The following SAMD12 variants were observed in gnomAD, a reference collection of about 807,000 sequenced individuals.
The protein encoded by SAMD12 is sterile alpha motif domain containing 12.
A neutral mutation model predicts 15.0 loss-of-function variants in SAMD12; 9 were observed. The ratio of observed to expected loss-of-function variants is 0.60; its 90% CI spans 0.36 to 1.05. SAMD12 has a LOEUF of 1.05. Ranked by LOEUF, SAMD12 falls within the 50% of genes least tolerant of loss-of-function variation. The pLI, the probability that SAMD12 is intolerant of heterozygous loss-of-function variation, is 0.01. For synonymous variants in SAMD12, 86 were observed against 90.1 expected (o/e 0.96, Z 0.25); for missense variants, 230 against 234.2 (o/e 0.98, Z 0.12).
the SAMD12 span, among the ~76,000 whole-genome samples, chr8:118,142,829 T>TATTA: frequency 9.9e-5 from 15 of 152,184 alleles, no homozygotes; most frequent in Non-Finnish European, 1.5e-4. Flanking sequence ...TACTATCCTG[T>TATTA]GTCATAGAGC....
rs180931556 is a variant in SAMD12 at position 118,400,679 on chromosome 8, A to G, written c.323-20979T>C. The G allele has an allele frequency of 7.9e-5, 12 of 152,334 alleles. 1 individual carries two copies. The highest frequency in any genetic ancestry group is 2.6e-4 in the African/African-American group (11 of 41,590). 9.4% of individuals were successfully genotyped at this position (152,334 alleles called of 1,614,324 possible). On this transcript the variant is annotated intron_variant, in intron 3 of 3. Coordinates refer to ENST00000314727, the MANE Select transcript of SAMD12 (RefSeq NM_207506.3). ...TTACAACTGAAATGTTTTCCTTTGC[A>G]TGCAGAGTAATGGAGCATAGCAGGA...
chr8:118,476,650 AAGG>A (rs1235359837), intron 2 of SAMD12, among the ~76,000 whole-genome samples: 1 of 152,220 alleles, frequency 6.6e-6, no homozygotes, highest in African/African-American at 2.4e-5. Flanking sequence ...GAGGAGACTA[AAGG>A]TGGCTGTATT....
chr8:118,235,436 C>G (rs1024569642), intron 4 of SAMD12, among the ~76,000 whole-genome samples: 1 of 152,136 alleles, frequency 6.6e-6, no homozygotes, highest in African/African-American at 2.4e-5. Flanking sequence ...GTCTCGATCT[C>G]TTGACCTTGT....
intron 2 of SAMD12, among the ~76,000 whole-genome samples, chr8:118,505,325 T>C (rs961721262): frequency 1.3e-5 from 2 of 150,364 alleles, no homozygotes; most frequent in Non-Finnish European, 3.0e-5. Context: ...TATTGTCTCC[T>C]TTCTTATGGG....
At chr8:118,287,127 T>TCG (rs1563734534) in intron 4 of SAMD12, among the ~76,000 whole-genome samples, 4 of 114,102 alleles carry the variant, frequency 3.5e-5, no homozygotes. Context: ...AGAATATTTT[T>TCG]TTTTTTTTTT....
At chr8:118,457,111 A>G (rs1290241205) in intron 2 of SAMD12, among the ~76,000 whole-genome samples, 1 of 152,218 alleles carries the variant, frequency 6.6e-6, no homozygotes, top group Non-Finnish European at 1.5e-5. Context: ...GATACTACTG[A>G]CAATTAATGA....
At chr8:118,547,280 C>T (rs78365116) in intron 2 of SAMD12, among the ~76,000 whole-genome samples, 5,886 of 152,244 alleles carry the variant, frequency 0.039, 147 homozygotes, top group Non-Finnish European at 0.056. Context: ...TTTCCTGTTC[C>T]CTGCACCTGA....
intron 4 of SAMD12, among the ~76,000 whole-genome samples, chr8:118,352,617 A>G (rs1263317337): frequency 6.6e-6 from 1 of 152,190 alleles, no homozygotes; most frequent in African/African-American, 2.4e-5. Context: ...AATGGGGAAA[A>G]GTGGTTGGTG....
intron 2 of SAMD12, among the ~76,000 whole-genome samples, chr8:118,551,808 G>A (rs868602258): frequency 1.3e-5 from 2 of 151,836 alleles, no homozygotes; most frequent in East Asian, 1.9e-4. Context: ...AAAGAGAGAA[G>A]AATCAAACAG....
intron 4 of SAMD12, among the ~76,000 whole-genome samples, chr8:118,199,491 G>A (rs1819652767): frequency 6.6e-6 from 1 of 152,066 alleles, no homozygotes; most frequent in Non-Finnish European, 1.5e-5. Flanking sequence ...GAAAATGTGT[G>A]ACCTTGGAAA....
intron 4 of SAMD12, among the ~76,000 whole-genome samples, chr8:118,208,358 C>T (rs1586344062): frequency 6.6e-6 from 1 of 152,228 alleles, no homozygotes; most frequent in African/African-American, 2.4e-5. Flanking sequence ...TAGAAGGTAT[C>T]TTTAAACAGT....
chr8:118,535,473 G>C (rs1435157675), intron 2 of SAMD12, among the ~76,000 whole-genome samples: 1 of 152,214 alleles, frequency 6.6e-6, no homozygotes, highest in Non-Finnish European at 1.5e-5. Context: ...TCTCTTCAAA[G>C]GTGTCAGACA....
intron 4 of SAMD12, among the ~76,000 whole-genome samples, chr8:118,293,599 T>C (rs1348440926): frequency 6.6e-6 from 1 of 152,230 alleles, no homozygotes; most frequent in South Asian, 2.1e-4. Context: ...ATAGCCAGTT[T>C]GCCTTTATTT....
intron 4 of SAMD12, among the ~76,000 whole-genome samples, chr8:118,285,891 G>A (rs1181857095): frequency 6.6e-6 from 1 of 152,138 alleles, no homozygotes; most frequent in Non-Finnish European, 1.5e-5. Flanking sequence ...GAGTTGGCTG[G>A]CTATCTAAGT....
chr8:118,531,787 G>C (rs1025229075), intron 2 of SAMD12, among the ~76,000 whole-genome samples: 4 of 152,284 alleles, frequency 2.6e-5, no homozygotes, highest in Non-Finnish European at 5.9e-5. Flanking sequence ...TGTATCCTGA[G>C]ACTTTGCTGA....
chr8:118,440,086 G>T, intron 2 of SAMD12, 125 bp from the exon 3 acceptor site: 2 of 910,890 alleles, frequency 2.2e-6, no homozygotes, highest in Non-Finnish European at 3.3e-6. Context: ...TCTAGTTCTT[G>T]TCTTTCTCCT....
At chr8:118,446,530 T>G (rs1228529339) in intron 2 of SAMD12, among the ~76,000 whole-genome samples, 1 of 152,214 alleles carries the variant, frequency 6.6e-6, no homozygotes, top group African/African-American at 2.4e-5. Context: ...TTTCTTCTCT[T>G]TTTTTGAGCT....
chr8:118,223,558 A>G (rs1812126021), intron 4 of SAMD12, among the ~76,000 whole-genome samples: 1 of 152,206 alleles, frequency 6.6e-6, no homozygotes, highest in Non-Finnish European at 1.5e-5. Context: ...CCTGATGGGG[A>G]GGTAGACTTG....
rs554970281 is a variant in SAMD12 at position 118,252,745 on chromosome 8, T to C, written c.434-55013A>G. ...TTACCAAACACAGATTTACTGCCTA[T>C]TATGGGCAGTGAGTGTAGAAGGCGC... On this transcript the variant is annotated intron_variant, in intron 4 of 4. Coordinates refer to the SAMD12 transcript ENST00000409003. 2.1e-3 allele frequency among the ~76,000 whole-genome samples: 319 copies of C among 152,252 alleles called. 4 individuals carry two copies. Among genetic ancestry groups the C allele is most frequent in the Admixed American group, 0.018 (278 of 15,286 alleles).
Sources: gnomAD v4.1 joint callset for allele counts (sites outside exome capture counted in the v4.1 genomes callset) on GRCh38, gnomAD v4.1.1 for gene constraint, MANE v1.5 for transcripts, NCBI Gene and HGNC (gene_info 2026-07-23, HGNC 2026-07-21) for gene names.